ABCB11: variants seen among roughly 807,000 people sequenced by gnomAD.
ABCB11 encodes bile salt export pump.
A neutral mutation model predicts 148.0 loss-of-function variants in ABCB11; 95 were observed. The ratio of observed to expected loss-of-function variants is 0.64; its 90% CI spans 0.54 to 0.76. The LOEUF is 0.76. Ranked by LOEUF, ABCB11 falls within the 30% of genes least tolerant of loss-of-function variation. The pLI is 0.00. For missense variants in ABCB11, 1,523 were observed against 1,617.8 expected, an observed-to-expected ratio of 0.94 and a Z score of 1.01; for synonymous variants, 591 against 555.4, an observed-to-expected ratio of 1.06 and a Z score of -0.90.
intron 25 of ABCB11, among the ~76,000 whole-genome samples, chr2:168,928,944 C>A (rs1441949535): frequency 6.6e-6 from 1 of 152,130 alleles, no homozygotes; most frequent in African/African-American, 2.4e-5. Context: ...CTGTCAATTT[C>A]TGTTTGCTTG....
chr2:168,948,270 C>A (rs1692417109), intron 19 of ABCB11, among the ~76,000 whole-genome samples: 1 of 151,702 alleles, frequency 6.6e-6, no homozygotes, highest in South Asian at 2.1e-4. Context: ...AAGCAAACAT[C>A]CAGGACACAG....
chr2:168,997,811 A>G (rs73020762), intron 5 of ABCB11, among the ~76,000 whole-genome samples: 4,426 of 152,106 alleles, frequency 0.029, 94 homozygotes, highest in African/African-American at 0.059. Context: ...ATTTATATTG[A>G]GTACATTTAT....
At chr2:168,935,079 C>A in intron 23 of ABCB11, 105 bp downstream of exon 23, 3 of 1,480,040 alleles carry the variant, frequency 2.0e-6, no homozygotes, top group Non-Finnish European at 2.8e-6. Context: ...TTGTAAGACA[C>A]CAAGCTTGGG....
In ABCB11 at chr2:168,995,372, C is replaced by G. The variant is rs548384140; in HGVS notation, c.588G>C (p.Gly196=). 5.6e-6 allele frequency: 9 copies of G among 1,612,180 alleles called. No individual in the cohort carries two copies. The highest frequency in any genetic ancestry group is 1.3e-5 in the African/African-American group (1 of 74,864). The change falls in exon 7 of 28, where the codon GGG becomes GGC. Residue 196 remains glycine, a synonymous_variant. Coordinates refer to ENST00000650372, the MANE Select transcript of ABCB11 (RefSeq NM_003742.4). ...EIGWFDCNSV[G]ELNTRFSDDI... ...ACTCAGAGAATCTTGTATTCAGCTC[C>G]CCCACTGAATTGCAGTCAAACCACC...
intron 5 of ABCB11, among the ~76,000 whole-genome samples, chr2:168,999,186 A>C (rs547102777): frequency 5.9e-5 from 9 of 152,232 alleles, no homozygotes; most frequent in African/African-American, 2.2e-4. Flanking sequence ...ACATTAGAGG[A>C]AAAAAGATAA....
At chr2:169,008,469 G>A (rs1695085802) in intron 5 of ABCB11, among the ~76,000 whole-genome samples, 2 of 152,060 alleles carry the variant, frequency 1.3e-5, no homozygotes, top group South Asian at 4.2e-4. Flanking sequence ...CTGCATTTAG[G>A]GCCCACCTGG....
At position 168,966,629 on chromosome 2, in the gene ABCB11, C is replaced by T. The variant is rs10168165; in HGVS notation, c.2075+1798G>A. Reference sequence around the variant, plus strand: ...ACATTATTATTTAGGAAATTTGTGGCTGTTATGTATTAAATTGTTCTTGAA... The same window carrying T: ...ACATTATTATTTAGGAAATTTGTGGTTGTTATGTATTAAATTGTTCTTGAA... On this transcript the variant is annotated intron_variant, in intron 17 of 27. Transcript: ENST00000650372. 5.7e-3 allele frequency among the ~76,000 whole-genome samples: 860 copies of T among 151,968 alleles called. 12 individuals are homozygous for T. The highest frequency in any genetic ancestry group is 0.02 in the African/African-American group (811 of 41,520).
rs889533222 is a variant in ABCB11, at chr2:168,935,288, G to A, written c.2952C>T (p.Cys984=). The A allele has an allele frequency of 3.1e-6, 5 of 1,614,006 alleles. No homozygotes were observed. In the South Asian group the frequency reaches 4.4e-5, roughly 14 times the overall value. ...AIQKANIYGF[C]FAFAQCIMFI... ...ACATGATGCACTGGGCAAAGGCAAA[G>A]CAGAATCCGTAAATATTGGCTTTCT... is the stretch of plus-strand genomic sequence containing the variant. The change falls in exon 23 of 28, where the codon TGC becomes TGT. Residue 984 remains cysteine (C), a synonymous_variant. Transcript: ENST00000650372.
chr2:168,964,103 T>C (rs1693192391), intron 18 of ABCB11, 103 bp downstream of exon 18: 10 of 775,212 alleles, frequency 1.3e-5, no homozygotes, highest in Non-Finnish European at 1.9e-5. Flanking sequence ...GAAACACTGC[T>C]AGATATATAC....
chr2:168,956,482 ATT>A (rs1259722590), intron 19 of ABCB11, among the ~76,000 whole-genome samples: 3 of 151,356 alleles, frequency 2.0e-5, no homozygotes, highest in Non-Finnish European at 4.4e-5. Flanking sequence ...TGTAGGGGAG[ATT>A]TTTAAAAAAT....
intron 18 of ABCB11, among the ~76,000 whole-genome samples, chr2:168,958,350 G>A (rs1421245671): frequency 6.6e-6 from 1 of 151,596 alleles, no homozygotes; most frequent in Non-Finnish European, 1.5e-5. Flanking sequence ...CGCATTTGAA[G>A]GTGAGCTTAT....
chr2:168,972,064 G>A lies in ABCB11; in HGVS notation c.1435-14C>T, dbSNP rs765367231. 1 of 1,608,472 alleles carries A rather than the reference G, an allele frequency of 6.2e-7. No homozygotes were observed. The highest frequency in any genetic ancestry group is 8.5e-7 in the Non-Finnish European group (1 of 1,175,996). On this transcript the variant is annotated splice_polypyrimidine_tract_variant and intron_variant, in intron 13 of 27. Transcript: ENST00000650372. Reference sequence around the variant, plus strand: ...ATCCACGGTCACCTAGAGAGCATGGGCACAACATCACAACTTTTGGAATCT... The same window carrying A: ...ATCCACGGTCACCTAGAGAGCATGGACACAACATCACAACTTTTGGAATCT...
intron 9 of ABCB11, among the ~76,000 whole-genome samples, chr2:168,988,289 A>C (rs1008543794): frequency 2.6e-5 from 4 of 151,980 alleles, no homozygotes; most frequent in African/African-American, 9.7e-5. Context: ...CTCCCACCTC[A>C]AAGTCCCTGG....
At chr2:168,964,181 C>A (rs1357905481) in intron 18 of ABCB11, 25 bp downstream of exon 18, 5 of 1,512,970 alleles carry the variant, frequency 3.3e-6, no homozygotes, top group South Asian at 1.2e-5. Flanking sequence ...CTTCCATTCC[C>A]CCCCATAAGC....
intron 14 of ABCB11, 51 bp downstream of exon 14, chr2:168,971,796 T>C: frequency 6.4e-7 from 1 of 1,551,468 alleles, no homozygotes; most frequent in East Asian, 2.3e-5. Flanking sequence ...TGCAACTTTT[T>C]TTCCTTCTAT....
At chr2:168,936,536 T>A in intron 21 of ABCB11, 103 bp from the exon 22 acceptor site, 2 of 981,478 alleles carry the variant, frequency 2.0e-6, no homozygotes, top group South Asian at 1.5e-5. Flanking sequence ...TGATAAAATA[T>A]ACATAACAAT....
intron 21 of ABCB11, among the ~76,000 whole-genome samples, chr2:168,938,823 T>C (rs1209276493): frequency 6.6e-6 from 1 of 152,110 alleles, no homozygotes; most frequent in Non-Finnish European, 1.5e-5. Flanking sequence ...TTTTATTCAA[T>C]TGGTATTTTT....
At position 169,018,065 on chromosome 2, in the gene ABCB11, CAA is replaced by C; in HGVS notation, c.59_60del (p.Phe20Ter). ...AGCCACTCACATGATTTATCTGACT[CAA>C]AACCATCATTCTCCTCTCCAAATTT... is the stretch of plus-strand genomic sequence containing the variant. ...IKKFGEENDGFESDKSYNNDK... is the reference protein window; with the variant it reads ...IKKFGEENDGXESDKSYNNDK... On this transcript the variant is annotated frameshift_variant, in exon 2 of 28. Coordinates refer to ENST00000650372, the MANE Select transcript of ABCB11 (RefSeq NM_003742.4). LOFTEE classifies it high-confidence loss of function. 6.2e-7 allele frequency: 1 copy of C among 1,613,426 alleles called. No homozygotes were observed. The highest frequency in any genetic ancestry group is 2.2e-5 in the East Asian group (1 of 44,846).
At chr2:168,969,039 T>C (rs1693442887) in intron 16 of ABCB11, among the ~76,000 whole-genome samples, 1 of 151,450 alleles carries the variant, frequency 6.6e-6, no homozygotes, top group Non-Finnish European at 1.5e-5. Context: ...CATTGATTAA[T>C]TCACTCAGCC....
Sources: allele counts gnomAD v4.1 joint callset (sites outside exome capture counted in the v4.1 genomes callset), GRCh38; gene constraint gnomAD v4.1.1; transcripts MANE v1.5; gene names NCBI Gene and HGNC (gene_info 2026-07-23, HGNC 2026-07-21).